Variants in ZC3H12B observed in about 807,000 individuals in gnomAD.
ZC3H12B encodes the protein zinc finger CCCH-type containing 12B, also known as probable ribonuclease ZC3H12B.
ZC3H12B carries 7 observed loss-of-function variants against 43.9 expected under a neutral mutation model. The observed-to-expected ratio is 0.16, with a 90% CI of 0.09 to 0.30. The LOEUF (loss-of-function observed/expected upper bound fraction) is 0.30, where lower values mean the gene tolerates loss of function less well. Ranked by LOEUF, ZC3H12B falls within the 10% of genes least tolerant of loss-of-function variation. ZC3H12B has a pLI of 1.00. For missense variants in ZC3H12B, 475 were observed against 670.2 expected (o/e 0.71, Z 3.22); for synonymous variants, 222 against 241.7 (o/e 0.92, Z 0.76).
At chrX:65,351,888 C>T in the ZC3H12B span, among the ~76,000 whole-genome samples, 22 of 112,194 alleles carry the variant, frequency 2.0e-4, no homozygotes, top group Non-Finnish European at 5.6e-5. Context: ...ATTAGATCAA[C>T]CATTGTAGAA....
the ZC3H12B span, among the ~76,000 whole-genome samples, chrX:65,130,303 A>T: frequency 9.0e-6 from 1 of 111,179 alleles, no homozygotes; most frequent in South Asian, 3.8e-4. Context: ...CCGTTATTGG[A>T]CTATATAGAG....
chrX:65,097,849 AC>A, the ZC3H12B span, among the ~76,000 whole-genome samples: 2 of 111,330 alleles, frequency 1.8e-5, no homozygotes, highest in East Asian at 2.8e-4. Context: ...CATCTTTGTA[AC>A]CCTTATGTCA....
chrX:65,117,727 T>C, the ZC3H12B span, among the ~76,000 whole-genome samples: 1 of 112,018 alleles, frequency 8.9e-6, no homozygotes, highest in Non-Finnish European at 1.9e-5. Flanking sequence ...CCATCTTGAA[T>C]TAATTTTTGT....
At chrX:65,356,745 G>T in the ZC3H12B span, 9 of 140,039 alleles carry the variant, frequency 6.4e-5, no homozygotes, top group Non-Finnish European at 1.3e-4. Context: ...CAGCTCAACT[G>T]GTTCAAGGCC....
chrX:65,190,087 TG>T, the ZC3H12B span, among the ~76,000 whole-genome samples: 2 of 111,566 alleles, frequency 1.8e-5, no homozygotes, highest in African/African-American at 6.5e-5. Context: ...TTCTCAGGTT[TG>T]TCAAAGATCA....
the ZC3H12B span, among the ~76,000 whole-genome samples, chrX:65,116,507 C>A: frequency 9.0e-6 from 1 of 110,736 alleles, no homozygotes; most frequent in African/African-American, 3.3e-5. Flanking sequence ...GTTCTTTTTG[C>A]TAAGACTTGC....
chrX:65,074,764 A>T, the ZC3H12B span, among the ~76,000 whole-genome samples: 1 of 111,008 alleles, frequency 9.0e-6, no homozygotes, highest in Non-Finnish European at 1.9e-5. Context: ...TGTCTAGTGA[A>T]TTTTTCAGTT....
chrX:65,457,655 CG>C (rs2067649654), intron 3 of ZC3H12B, among the ~76,000 whole-genome samples: 1 of 74,567 alleles, frequency 1.3e-5, no homozygotes, highest in Admixed American at 1.3e-4. Flanking sequence ...ATTGAGAAAT[CG>C]GATGGTTGCC....
the ZC3H12B span, among the ~76,000 whole-genome samples, chrX:65,164,868 G>T: frequency 8.9e-6 from 1 of 112,010 alleles, no homozygotes; most frequent in Non-Finnish European, 1.9e-5. Context: ...TAGAGCACAG[G>T]ATAAGGAAGC....
chrX:65,129,766 G>A, the ZC3H12B span, among the ~76,000 whole-genome samples: 1 of 110,513 alleles, frequency 9.0e-6, no homozygotes, highest in Non-Finnish European at 1.9e-5. Context: ...ATTTTGGGGG[G>A]ATGGTATGAG....
chrX:65,313,520 T>C, the ZC3H12B span, among the ~76,000 whole-genome samples: 4 of 112,026 alleles, frequency 3.6e-5, no homozygotes, highest in African/African-American at 1.3e-4. Context: ...TGAACTATAA[T>C]GTAAACTAAT....
intron 3 of ZC3H12B, among the ~76,000 whole-genome samples, chrX:65,417,928 C>T (rs1372723666): frequency 8.9e-6 from 1 of 112,347 alleles, no homozygotes; most frequent in East Asian, 2.8e-4. Flanking sequence ...CAATCTAATG[C>T]TTTTTCTTAT....
the ZC3H12B span, among the ~76,000 whole-genome samples, chrX:65,100,566 CAAAAAA>C: frequency 0.015 from 66 of 4,517 alleles, no homozygotes; most frequent in African/African-American, 0.051. Context: ...AAAGATAAAG[CAAAAAA>C]AAAAAAAAAA....
the ZC3H12B span, among the ~76,000 whole-genome samples, chrX:65,324,079 A>C: frequency 8.9e-6 from 1 of 112,132 alleles, no homozygotes; most frequent in Admixed American, 9.4e-5. Flanking sequence ...AGTTCCCTGT[A>C]GATTCTGGAT....
the ZC3H12B span, among the ~76,000 whole-genome samples, chrX:65,268,687 CAA>C: frequency 3.6e-5 from 4 of 111,944 alleles, no homozygotes; most frequent in African/African-American, 1.3e-4. Context: ...AATAATTTGA[CAA>C]AATTCAGCAT....
the ZC3H12B span, among the ~76,000 whole-genome samples, chrX:65,277,674 G>C: frequency 9.0e-5 from 10 of 111,038 alleles, no homozygotes; most frequent in East Asian, 2.8e-3. Context: ...AATGAAAATA[G>C]AAACACAAGA....
At chrX:65,212,743 A>T in the ZC3H12B span, among the ~76,000 whole-genome samples, 354 of 95,363 alleles carry the variant, frequency 3.7e-3, 2 homozygotes, top group African/African-American at 0.013. Flanking sequence ...ATATATATAT[A>T]TGTTTCTCTT....
At chrX:65,466,915 A>AATATATATATAT (rs58150008) in intron 3 of ZC3H12B, among the ~76,000 whole-genome samples, 9 of 23,935 alleles carry the variant, frequency 3.8e-4, no homozygotes, top group Non-Finnish European at 6.4e-4. Flanking sequence ...TATAAAACCA[A>AATATATATATAT]ATATATATAT....
the ZC3H12B span, among the ~76,000 whole-genome samples, chrX:65,201,600 G>A: frequency 9.6e-6 from 1 of 104,425 alleles, no homozygotes; most frequent in Admixed American, 1.1e-4. Context: ...TTTGGGGTTT[G>A]TTTAAACAGC....
Sources: gnomAD v4.1 joint callset for allele counts (sites outside exome capture counted in the v4.1 genomes callset) on GRCh38, gnomAD v4.1.1 for gene constraint, MANE v1.5 for transcripts, NCBI Gene and HGNC (gene_info 2026-07-23, HGNC 2026-07-21) for gene names.